Variants in CSMD3 observed in about 807,000 individuals in gnomAD.
The protein encoded by CSMD3 is CUB and Sushi multiple domains 3, also known as CUB and sushi domain-containing protein 3.
In CSMD3, 177 loss-of-function variants were observed where a neutral mutation model predicts 435.2. That is an observed-to-expected ratio of 0.41 (90% CI 0.36 to 0.46). CSMD3 has a LOEUF of 0.46. Ranked by LOEUF, CSMD3 falls within the 20% of genes least tolerant of loss-of-function variation. CSMD3 has a pLI of 0.34. For synonymous variants in CSMD3, 1,656 were observed against 1,520.5 expected (o/e 1.09, Z -2.07); for missense variants, 4,265 against 4,504.6 (o/e 0.95, Z 1.52).
At position 112,255,338 on chromosome 8, in the gene CSMD3, T is replaced by C; in HGVS notation, c.9952A>G (p.Asn3318Asp). The change falls in exon 62 of 71, where the codon AAT becomes GAT. Residue 3318 changes from asparagine (N) to aspartate (D), a missense_variant. Transcript: ENST00000297405. The part of the protein sequence containing the change: ...IYQSEVSFSC[N>D]FPFILVGSST... ...GATCCCACTAATATGAAAGGAAAAT[T>C]GCAGCTGAATGAAACCTCTGACTGG... The C allele has an allele frequency of 6.2e-7, 1 of 1,613,644 alleles. No homozygotes were observed.
intron 13 of CSMD3, among the ~76,000 whole-genome samples, chr8:112,738,894 T>C (rs1487490616): frequency 2.0e-5 from 3 of 151,736 alleles, no homozygotes; most frequent in Admixed American, 1.3e-4. Context: ...CAGTTTTAAG[T>C]GGATTGAATT....
At chr8:112,486,585 T>C (rs1820156689) in intron 31 of CSMD3, among the ~76,000 whole-genome samples, 1 of 152,190 alleles carries the variant, frequency 6.6e-6, no homozygotes, top group Non-Finnish European at 1.5e-5. Flanking sequence ...CAGCATTTCC[T>C]ATTTGCTCTT....
chr8:112,512,614 T>G (rs770693499), intron 28 of CSMD3, among the ~76,000 whole-genome samples: 10 of 152,212 alleles, frequency 6.6e-5, no homozygotes, highest in Non-Finnish European at 1.3e-4. Context: ...ACAGGTATAA[T>G]TCTTAACAGG....
At position 112,409,455 on chromosome 8, in the gene CSMD3, G is replaced by A. The variant is rs182095658; in HGVS notation, c.5396-423C>T. ...ATAAGATAGACACAGTTTTAATTCA[G>A]GGGATTTTTTAAGTTGTCCTTAAAA... On this transcript the variant is annotated intron_variant, in intron 32 of 70. Coordinates refer to ENST00000297405, the MANE Select transcript of CSMD3 (RefSeq NM_198123.2). Among the ~76,000 whole-genome samples the A allele has an allele frequency of 3.3e-5, 5 of 151,874 alleles. No homozygotes were observed. The East Asian group carries it at 9.7e-4, about 29-fold the overall frequency.
intron 37 of CSMD3, among the ~76,000 whole-genome samples, chr8:112,382,615 A>G (rs1018921550): frequency 2.0e-5 from 3 of 152,230 alleles, no homozygotes; most frequent in Admixed American, 6.5e-5. Context: ...ATAGTAAAAA[A>G]TTAACAAAGT....
intron 4 of CSMD3, among the ~76,000 whole-genome samples, chr8:113,151,235 T>C (rs767875560): frequency 7.2e-5 from 11 of 152,008 alleles, no homozygotes; most frequent in Non-Finnish European, 1.3e-4. Context: ...ATGCATTAGT[T>C]CTCATCTTTA....
In CSMD3 at chr8:112,689,907, C is replaced by T. The variant is rs1455404217; in HGVS notation, c.2116G>A (p.Glu706Lys). The change falls in exon 14 of 71, where the codon GAG becomes AAG. Residue 706 changes from glutamate (E) to lysine (K), a missense_variant. This residue lies in a region of CSMD3 where 279 missense variants were observed against 369.0 expected (regional missense o/e 0.76). Transcript: ENST00000297405. Reference sequence around the variant, plus strand: ...ATGTTTGCAGACCATTGGTTATTCTCTTGACAAACAATGGATTTCTCTCCA... The same window carrying T: ...ATGTTTGCAGACCATTGGTTATTCTTTTGACAAACAATGGATTTCTCTCCA... Reference protein sequence around the residue: ...LIGEKSIVCQENNQWSANIPI... With the variant: ...LIGEKSIVCQKNNQWSANIPI... 4.3e-6 allele frequency: 7 copies of T among 1,613,272 alleles called. No individual in the cohort carries two copies. In the East Asian group the frequency reaches 1.3e-4, roughly 31 times the overall value.
At chr8:113,033,013 G>A (rs187135745) in intron 5 of CSMD3, among the ~76,000 whole-genome samples, 2 of 151,728 alleles carry the variant, frequency 1.3e-5, no homozygotes, top group Admixed American at 6.6e-5. Context: ...GGGCCTGCAG[G>A]TATGTGGAAG....
rs539176033 is a variant in CSMD3, at chr8:112,311,338, A to G, written c.7697-172T>C. ...CTCTTTCCTCTTTTGAAAATGATCT[A>G]CTGACACAACTTTTGGGAGACATAA... On this transcript the variant is annotated intron_variant, in intron 49 of 70. Transcript: ENST00000297405. 8.5e-5 allele frequency among the ~76,000 whole-genome samples: 13 copies of G among 152,306 alleles called. No homozygotes were observed. The South Asian group carries it at 2.7e-3, about 32-fold the overall frequency.
At chr8:113,407,674 G>GA (rs2094538827) in intron 1 of CSMD3, among the ~76,000 whole-genome samples, 1 of 151,994 alleles carries the variant, frequency 6.6e-6, no homozygotes, top group South Asian at 2.1e-4. Flanking sequence ...ATATCAATGT[G>GA]AAAATACCAG....
At chr8:112,810,898 T>A (rs1281496745) in intron 12 of CSMD3, among the ~76,000 whole-genome samples, 1 of 152,060 alleles carries the variant, frequency 6.6e-6, no homozygotes, top group Non-Finnish European at 1.5e-5. Flanking sequence ...AAAAATAATA[T>A]TCAAATAGAT....
chr8:112,496,216 G>T (rs750221678), intron 30 of CSMD3, among the ~76,000 whole-genome samples: 2 of 152,046 alleles, frequency 1.3e-5, no homozygotes, highest in African/African-American at 2.4e-5. Flanking sequence ...TGATCCACCC[G>T]CCTCGGCCTC....
At chr8:113,251,555 C>A (rs764613657) in intron 3 of CSMD3, among the ~76,000 whole-genome samples, 1 of 151,640 alleles carries the variant, frequency 6.6e-6, no homozygotes, top group African/African-American at 2.4e-5. Context: ...AAAAAAAAAT[C>A]CTTAAATCTT....
chr8:113,030,751 A>G (rs2087073280), intron 5 of CSMD3, among the ~76,000 whole-genome samples: 1 of 151,546 alleles, frequency 6.6e-6, no homozygotes, highest in African/African-American at 2.4e-5. Context: ...GTAAAAAAAA[A>G]GTGTTAATAT....
intron 28 of CSMD3, among the ~76,000 whole-genome samples, chr8:112,515,770 G>A (rs1378393558): frequency 6.6e-6 from 1 of 151,898 alleles, no homozygotes; most frequent in Non-Finnish European, 1.5e-5. Context: ...TGCCTGGCTG[G>A]TTTGGGCCTT....
chr8:112,402,272 C>G (rs1282616506), intron 35 of CSMD3, among the ~76,000 whole-genome samples: 1 of 152,200 alleles, frequency 6.6e-6, no homozygotes, highest in Non-Finnish European at 1.5e-5. Context: ...ACCCACGACT[C>G]TTGTGCTGAT....
At chr8:113,047,490 A>C (rs1193816878) in intron 5 of CSMD3, among the ~76,000 whole-genome samples, 2 of 152,250 alleles carry the variant, frequency 1.3e-5, no homozygotes, top group Non-Finnish European at 2.9e-5. Context: ...AATCTTGTCA[A>C]AAATTAACTG....
chr8:112,278,777 A>G (rs1203560779), intron 59 of CSMD3, among the ~76,000 whole-genome samples: 1 of 152,162 alleles, frequency 6.6e-6, no homozygotes, highest in Non-Finnish European at 1.5e-5. Context: ...CTGTCATCAA[A>G]AAGATTCTGG....
intron 6 of CSMD3, among the ~76,000 whole-genome samples, chr8:112,980,780 C>T (rs1294394785): frequency 6.6e-6 from 1 of 151,444 alleles, no homozygotes; most frequent in Non-Finnish European, 1.5e-5. Context: ...TAAGCGTATG[C>T]TAGTTGCGAA....
Sources: allele counts gnomAD v4.1 joint callset (sites outside exome capture counted in the v4.1 genomes callset), GRCh38; gene constraint gnomAD v4.1.1; regional missense constraint gnomAD v4.1.1; transcripts MANE v1.5; gene names NCBI Gene and HGNC (gene_info 2026-07-23, HGNC 2026-07-21).